ENTPD7: variants seen among roughly 807,000 people sequenced by gnomAD.
ENTPD7 encodes the protein NTPDase 7.
ENTPD7 carries 53 observed loss-of-function variants against 77.9 expected under a neutral mutation model. That is an observed-to-expected ratio of 0.68 (90% CI 0.55 to 0.85). The LOEUF is 0.85. Among genes scored for constraint, ENTPD7 ranks in the 40% least tolerant of loss-of-function variants. ENTPD7 has a pLI of 0.00. For missense variants in ENTPD7, 636 were observed against 743.7 expected, an observed-to-expected ratio of 0.86 and a Z score of 1.68; for synonymous variants, 248 against 274.9, an observed-to-expected ratio of 0.90 and a Z score of 0.97.
Position 99,709,944 on chromosome 10 carries a change from C to T in ENTPD7, c.*5261C>T. 1 of 985,414 alleles carries T rather than the reference C, an allele frequency of 1.0e-6. No individual in the cohort carries two copies. Among genetic ancestry groups the T allele is most frequent in the Non-Finnish European group, 1.2e-6 (1 of 829,888 alleles). 61.0% of individuals were successfully genotyped at this position (985,414 alleles called of 1,614,324 possible). A position where few individuals can be genotyped will look rare whatever the true frequency, so the allele number is the denominator to read the frequency against. On this transcript the variant is annotated 3_prime_UTR_variant, in exon 13 of 13. Transcript: ENST00000370489. ...TAGTAAAACTGAATCATTACTCATA[C>T]TACAAGGGCTTTCACTTTTAAAATG...
intron 8 of ENTPD7, among the ~76,000 whole-genome samples, chr10:99,693,955 A>G (rs2035926445): frequency 6.6e-6 from 1 of 152,140 alleles, no homozygotes; most frequent in Non-Finnish European, 1.5e-5. Context: ...TAGCAATATA[A>G]TGGCTCTTCA....
At chr10:99,698,028 G>A (rs1243857014) in intron 9 of ENTPD7, 1 of 163,516 alleles carries the variant, frequency 6.1e-6, no homozygotes, top group African/African-American at 2.4e-5. Flanking sequence ...AGCTGGTGCT[G>A]TGCCTGTTCT....
chr10:99,701,486 G>A (rs890437703), intron 11 of ENTPD7, among the ~76,000 whole-genome samples: 22 of 151,402 alleles, frequency 1.5e-4, no homozygotes, highest in Admixed American at 1.3e-4. Flanking sequence ...ACGGGGTTTC[G>A]CAATGTTGCC....
Position 99,709,764 on chromosome 10 carries a change from G to A in ENTPD7, c.*5081G>A. ...TACTTATCTTCCTTATATCCTAATA[G>A]ACTTCTCTTGTGTTATTACACATTT... On this transcript the variant is annotated 3_prime_UTR_variant, in exon 13 of 13. Coordinates refer to ENST00000370489, the MANE Select transcript of ENTPD7 (RefSeq NM_020354.5). 1.0e-6 allele frequency: 1 copy of A among 985,182 alleles called. No homozygotes were observed. Among genetic ancestry groups the A allele is most frequent in the Non-Finnish European group, 1.2e-6 (1 of 829,822 alleles). 61.0% of individuals were successfully genotyped at this position (985,182 alleles called of 1,614,324 possible).
Position 99,661,496 on chromosome 10 carries a change from C to T in ENTPD7, c.59C>T (p.Thr20Ile). Residue 20 changes from threonine (T) to isoleucine (I), a missense_variant, in exon 3 of 13, where the codon ACA becomes ATA. Physicochemically the swap from Thr to Ile is moderately conservative, Grantham distance 89. Coordinates refer to ENST00000370489, the MANE Select transcript of ENTPD7 (RefSeq NM_020354.5). ...CPASWYFTVP[T>I]VSPFLRQRVA... ...GCCTCCTGGTACTTCACTGTGCCCACAGTGAGTCCATTTCTCCGTCAGCGG... is the reference window on the plus strand; with the variant it reads ...GCCTCCTGGTACTTCACTGTGCCCATAGTGAGTCCATTTCTCCGTCAGCGG... The T allele has an allele frequency of 1.2e-6, 2 of 1,613,950 alleles. No homozygotes were observed. The highest frequency in any genetic ancestry group is 1.7e-6 in the Non-Finnish European group (2 of 1,179,960).
chr10:99,706,056 T>C lies in ENTPD7; in HGVS notation c.*1373T>C, dbSNP rs1016858882. The stretch of plus-strand genomic sequence containing the variant: ...TCCCACGGCTGGGAGCATTTTCTTT[T>C]CTTTTCGTCACCTTTGATTTTTGGG... On this transcript the variant is annotated 3_prime_UTR_variant, in exon 13 of 13. Transcript: ENST00000370489. 2 of 152,228 alleles carry C rather than the reference T, an allele frequency of 1.3e-5. No individual in the cohort carries two copies. Among genetic ancestry groups the C allele is most frequent in the Admixed American group, 1.3e-4 (2 of 15,278 alleles). 9.4% of individuals were successfully genotyped at this position (152,228 alleles called of 1,614,324 possible).
At chr10:99,669,751 T>TTG (rs1449588348) in intron 3 of ENTPD7, among the ~76,000 whole-genome samples, 4 of 127,568 alleles carry the variant, frequency 3.1e-5, no homozygotes, top group Non-Finnish European at 6.7e-5. Context: ...TTTTTTTTTT[T>TTG]TTTTTTTTTT....
At chr10:99,704,288 C>T (rs539444852) in intron 12 of ENTPD7, among the ~76,000 whole-genome samples, 164 bp from the exon 13 acceptor site, 4 of 152,192 alleles carry the variant, frequency 2.6e-5, no homozygotes, top group East Asian at 1.9e-4. Flanking sequence ...GCTCCTGGGG[C>T]GGGGGATGTT....
chr10:99,669,065 A>G (rs2035586710), intron 3 of ENTPD7, among the ~76,000 whole-genome samples: 2 of 142,490 alleles, frequency 1.4e-5, no homozygotes, highest in Non-Finnish European at 3.0e-5. Context: ...TTTTGTAGAG[A>G]CAGTGTCTCC....
In ENTPD7 at chr10:99,711,180, T is replaced by A; in HGVS notation, c.*6497T>A. The stretch of plus-strand genomic sequence containing the variant: ...ATATAGCTAAATGCAACCAGTTGTT[T>A]TTCCAAATGTACTCATCATCTGTAA... On this transcript the variant is annotated 3_prime_UTR_variant, in exon 13 of 13. Coordinates refer to ENST00000370489, the MANE Select transcript of ENTPD7 (RefSeq NM_020354.5). 1.0e-6 allele frequency: 1 copy of A among 985,406 alleles called. No homozygotes were observed. Among genetic ancestry groups the A allele is most frequent in the Non-Finnish European group, 1.2e-6 (1 of 829,884 alleles). 61.0% of individuals were successfully genotyped at this position (985,406 alleles called of 1,614,324 possible).
At chr10:99,700,910 G>A (rs773681355) in intron 10 of ENTPD7, 63 bp from the exon 11 acceptor site, 44 of 1,327,654 alleles carry the variant, frequency 3.3e-5, no homozygotes, top group Admixed American at 1.2e-4. Context: ...AGCTGTGACT[G>A]TGGGGAAGGT....
intron 10 of ENTPD7, among the ~76,000 whole-genome samples, chr10:99,699,180 A>G (rs2036053544): frequency 6.6e-6 from 1 of 152,198 alleles, no homozygotes; most frequent in Non-Finnish European, 1.5e-5. Flanking sequence ...TTTATGCCCA[A>G]GAAATGTCAC....
chr10:99,702,615 C>T lies in ENTPD7; in HGVS notation c.1525C>T (p.Arg509Ter), dbSNP rs751797515. 4 of 1,613,522 alleles carry T rather than the reference C, an allele frequency of 2.5e-6. No homozygotes were observed. The highest frequency in any genetic ancestry group is 2.2e-5 in the South Asian group (2 of 90,958). The change falls in exon 12 of 13, where the codon CGA (arginine) becomes TGA (stop). Residue 509 changes from arginine to a stop codon, truncating the protein, a stop_gained. Coordinates refer to ENST00000370489, the MANE Select transcript of ENTPD7 (RefSeq NM_020354.5). LOFTEE classifies it high-confidence loss of function. ...GCGGACAGCCCAGCTGGTGTATGAC[C>T]GAGAGGTTCAGTGGACGCTGGGAGC... Reference protein sequence around the residue: ...NLRTAQLVYDREVQWTLGAIL... With the variant: ...NLRTAQLVYD
rs1439592471 is a variant in ENTPD7 at position 99,685,780 on chromosome 10, T to G, written c.549-12T>G. ...AGTGACTAACTTTGGGATTTTTTGTTCTTTCTTGCAGGAAGCAGTTGGCTA... is the reference window on the plus strand; with the variant it reads ...AGTGACTAACTTTGGGATTTTTTGTGCTTTCTTGCAGGAAGCAGTTGGCTA... On this transcript the variant is annotated splice_polypyrimidine_tract_variant and intron_variant, in intron 5 of 12. Coordinates refer to ENST00000370489, the MANE Select transcript of ENTPD7 (RefSeq NM_020354.5). 1.2e-6 allele frequency: 2 copies of G among 1,607,910 alleles called. No individual in the cohort carries two copies. The highest frequency in any genetic ancestry group is 1.7e-6 in the Non-Finnish European group (2 of 1,174,738).
chr10:99,661,664 A>C (rs2035489540), intron 3 of ENTPD7, 36 bp downstream of exon 3: 1 of 1,555,258 alleles, frequency 6.4e-7, no homozygotes, highest in African/African-American at 1.4e-5. Context: ...TCAAGTCATA[A>C]ATATTTTCAT....
chr10:99,679,425 G>C lies in ENTPD7; in HGVS notation c.356G>C (p.Arg119Thr). 1 of 1,614,106 alleles carries C rather than the reference G, an allele frequency of 6.2e-7. No homozygotes were observed. The highest frequency in any genetic ancestry group is 1.1e-5 in the South Asian group (1 of 91,066). Residue 119 changes from arginine to threonine, a missense_variant, in exon 4 of 13, where the codon AGA becomes ACA. Physicochemically the swap from Arg to Thr is moderately conservative, Grantham distance 71. This residue lies in a region of ENTPD7 where 486 missense variants were observed against 556.5 expected (regional missense o/e 0.87). Transcript: ENST00000370489. ...PHDLLDIKQM[R>T]DRNSQPVVKK... ...GACTTGCTGGACATCAAACAGATGA[G>C]AGACCGCAACAGCCAACCAGTGGTT...
chr10:99,699,544 A>G (rs1409603132), intron 10 of ENTPD7, among the ~76,000 whole-genome samples: 1 of 152,158 alleles, frequency 6.6e-6, no homozygotes, highest in Non-Finnish European at 1.5e-5. Context: ...CATCAGAGAA[A>G]CGAATGGGAG....
intron 4 of ENTPD7, 94 bp from the exon 5 acceptor site, chr10:99,679,631 C>T (rs1041365227): frequency 2.0e-6 from 3 of 1,486,002 alleles, no homozygotes; most frequent in African/African-American, 2.8e-5. Flanking sequence ...ATGTTTAGGA[C>T]CTTGAGGAGA....
At chr10:99,681,255 TATG>T (rs2133462628) in intron 5 of ENTPD7, among the ~76,000 whole-genome samples, 1 of 149,340 alleles carries the variant, frequency 6.7e-6, no homozygotes, top group Non-Finnish European at 1.5e-5. Context: ...TGCTGGATCA[TATG>T]ACAGTTTGAT....
Sources: allele counts gnomAD v4.1 joint callset (sites outside exome capture counted in the v4.1 genomes callset), GRCh38; gene constraint gnomAD v4.1.1; regional missense constraint gnomAD v4.1.1; transcripts MANE v1.5; gene names NCBI Gene and HGNC (gene_info 2026-07-23, HGNC 2026-07-21).